The following CDH23 variants were observed in gnomAD, a reference collection of about 807,000 sequenced individuals.
CDH23 encodes the protein cadherin-23.
Under a neutral mutation model 317.1 loss-of-function variants are expected in CDH23, and 189 were observed. That is an observed-to-expected ratio of 0.60 (90% CI 0.53 to 0.67). The LOEUF (loss-of-function observed/expected upper bound fraction) is 0.67, where lower values mean the gene tolerates loss of function less well. Among genes scored for constraint, CDH23 ranks in the 30% least tolerant of loss-of-function variants. The pLI, the probability that CDH23 is intolerant of heterozygous loss-of-function variation, is 0.00. For synonymous variants in CDH23, 1,839 were observed against 1,876.8 expected (o/e 0.98, Z 0.52); for missense variants, 4,401 against 4,592.4 (o/e 0.96, Z 1.20).
At chr10:71,557,091 A>G (rs1487633821) in intron 6 of CDH23, among the ~76,000 whole-genome samples, 1 of 152,180 alleles carries the variant, frequency 6.6e-6, no homozygotes, top group Non-Finnish European at 1.5e-5. Flanking sequence ...AACATTCACT[A>G]TCCATCCTCC....
At chr10:71,716,322 G>A in intron 28 of CDH23, 1 of 1,494,104 alleles carries the variant, frequency 6.7e-7, no homozygotes, top group Non-Finnish European at 9.0e-7. Flanking sequence ...GCGAGGCTGG[G>A]GCCCTCTGTG....
At chr10:71,617,551 A>C in intron 11 of CDH23, 158 bp downstream of exon 11, 1 of 1,474,846 alleles carries the variant, frequency 6.8e-7, no homozygotes, top group South Asian at 1.3e-5. Flanking sequence ...AAAAAAAATC[A>C]CTAGTCTCTA....
intron 3 of CDH23, among the ~76,000 whole-genome samples, chr10:71,475,099 T>C (rs1461737796): frequency 6.6e-6 from 1 of 152,202 alleles, no homozygotes; most frequent in Non-Finnish European, 1.5e-5. Context: ...CTTCCAGTTC[T>C]CAGATGGGGA....
chr10:71,643,564 C>A (rs1325489307), intron 11 of CDH23, among the ~76,000 whole-genome samples: 2 of 151,696 alleles, frequency 1.3e-5, no homozygotes, highest in African/African-American at 2.4e-5. Context: ...CCCTTGCCCC[C>A]CCCTCACCTC....
chr10:71,763,511 G>C (rs1293483361), intron 38 of CDH23, among the ~76,000 whole-genome samples: 1 of 152,198 alleles, frequency 6.6e-6, no homozygotes, highest in Non-Finnish European at 1.5e-5. Flanking sequence ...TCGGCGGCAG[G>C]CTGGGACCCA....
At chr10:71,607,379 G>A (rs961088188) in intron 9 of CDH23, among the ~76,000 whole-genome samples, 1 of 152,224 alleles carries the variant, frequency 6.6e-6, no homozygotes, top group Non-Finnish European at 1.5e-5. Flanking sequence ...ATCGAGTGCA[G>A]GTTATTTTTA....
chr10:71,789,516 C>G (rs1841187505), intron 45 of CDH23, among the ~76,000 whole-genome samples: 1 of 152,172 alleles, frequency 6.6e-6, no homozygotes, highest in Admixed American at 6.5e-5. Flanking sequence ...TCACCTCCCT[C>G]CAGAGGGACA....
chr10:71,426,257 T>C (rs1332457655), intron 1 of CDH23, among the ~76,000 whole-genome samples: 2 of 151,980 alleles, frequency 1.3e-5, no homozygotes, highest in Non-Finnish European at 1.5e-5. Context: ...AAGAGCAGAG[T>C]TGAAAATGCC....
In CDH23 at chr10:71,553,351, G is replaced by A. The variant is rs544022228; in HGVS notation, c.430-13391G>A. Among the ~76,000 whole-genome samples the A allele has an allele frequency of 2.6e-5, 4 of 152,026 alleles. No individual in the cohort carries two copies. The South Asian group carries it at 6.2e-4, about 24-fold the overall frequency. ...CACCCCTCAGCTCCTCTGCAGCCCC[G>A]TTCGAACCTTCCCCAGCTCTGTCTG... is the stretch of plus-strand genomic sequence containing the variant. On this transcript the variant is annotated intron_variant, in intron 6 of 69. Transcript: ENST00000224721.
chr10:71,575,994 G>A (rs1010836518), intron 8 of CDH23, among the ~76,000 whole-genome samples: 1 of 152,186 alleles, frequency 6.6e-6, no homozygotes, highest in Non-Finnish European at 1.5e-5. Context: ...GTAGAAGCTC[G>A]GGTATGACTC....
At chr10:71,604,158 T>A (rs2132483881) in intron 9 of CDH23, among the ~76,000 whole-genome samples, 1 of 152,298 alleles carries the variant, frequency 6.6e-6, no homozygotes, top group Non-Finnish European at 1.5e-5. Context: ...GGCTCATGCC[T>A]GTAATCTAAG....
At chr10:71,573,152 A>G (rs1857934687) in intron 8 of CDH23, among the ~76,000 whole-genome samples, 1 of 152,208 alleles carries the variant, frequency 6.6e-6, no homozygotes, top group South Asian at 2.1e-4. Flanking sequence ...GCTGCCAATT[A>G]GCGGACATTA....
intron 1 of CDH23, among the ~76,000 whole-genome samples, chr10:71,424,538 C>T (rs1425307499): frequency 6.6e-6 from 1 of 152,228 alleles, no homozygotes; most frequent in African/African-American, 2.4e-5. Context: ...CCCCACTCAT[C>T]CCCACAGGGA....
chr10:71,722,358 T>A (rs1199792999), intron 28 of CDH23, among the ~76,000 whole-genome samples: 1 of 151,984 alleles, frequency 6.6e-6, no homozygotes, highest in East Asian at 1.9e-4. Flanking sequence ...AAAGGAAAAA[T>A]CAAACAGGGA....
intron 60 of CDH23, 72 bp from the exon 61 acceptor site, chr10:71,809,748 G>A: frequency 6.4e-7 from 1 of 1,563,970 alleles, no homozygotes; most frequent in Non-Finnish European, 8.7e-7. Flanking sequence ...CCTACCCCAG[G>A]GCTCATGCCC....
intron 53 of CDH23, 68 bp from the exon 54 acceptor site, chr10:71,802,830 C>T: frequency 6.5e-7 from 1 of 1,542,252 alleles, no homozygotes; most frequent in East Asian, 2.3e-5. Context: ...CTTACTCCTG[C>T]ATGACCAGGT....
chr10:71,772,014 C>T (rs960412089), intron 38 of CDH23, among the ~76,000 whole-genome samples: 3 of 152,230 alleles, frequency 2.0e-5, no homozygotes, highest in African/African-American at 7.2e-5. Flanking sequence ...TGCCTGCCAC[C>T]ATCCTCTGTT....
intron 2 of CDH23, among the ~76,000 whole-genome samples, chr10:71,443,267 G>A (rs974662863): frequency 3.3e-5 from 5 of 152,112 alleles, no homozygotes; most frequent in Admixed American, 6.5e-5. Context: ...CCCCCACCCC[G>A]CAATTCAGGG....
intron 1 of CDH23, among the ~76,000 whole-genome samples, chr10:71,432,955 G>A (rs1849465566): frequency 6.6e-6 from 1 of 152,176 alleles, no homozygotes. Flanking sequence ...CTGGCCTTCA[G>A]GGAGGCTCAG....
Sources: allele counts gnomAD v4.1 joint callset (sites outside exome capture counted in the v4.1 genomes callset), GRCh38; gene constraint gnomAD v4.1.1; transcripts MANE v1.5; gene names NCBI Gene and HGNC (gene_info 2026-07-23, HGNC 2026-07-21).